ANK2: variants seen among roughly 807,000 people sequenced by gnomAD.
ANK2 encodes ankyrin 2.
Under a neutral mutation model 360.5 loss-of-function variants are expected in ANK2, and 83 were observed. The ratio of observed to expected loss-of-function variants is 0.23; its 90% CI spans 0.19 to 0.28. The LOEUF is 0.28. Ranked by LOEUF, ANK2 falls within the 10% of genes least tolerant of loss-of-function variation. ANK2 has a pLI of 1.00. For missense variants in ANK2, 4,201 were observed against 4,795.7 expected (o/e 0.88, Z 3.66); for synonymous variants, 1,740 against 1,759.5 (o/e 0.99, Z 0.28).
At chr4:113,219,617 A>G (rs902854814) in intron 4 of ANK2, among the ~76,000 whole-genome samples, 12 of 152,160 alleles carry the variant, frequency 7.9e-5, no homozygotes, top group African/African-American at 2.9e-4. Context: ...TTACTTTCTT[A>G]CTGAAAATGA....
At chr4:113,376,999 G>C (rs1031465589) in intron 45 of ANK2, among the ~76,000 whole-genome samples, 1 of 151,798 alleles carries the variant, frequency 6.6e-6, no homozygotes, top group Non-Finnish European at 1.5e-5. Flanking sequence ...ACCTCCTGAA[G>C]GACCTGCCTG....
intron 13 of ANK2, among the ~76,000 whole-genome samples, chr4:113,258,700 A>G (rs2050880509): frequency 1.3e-5 from 2 of 152,224 alleles, no homozygotes; most frequent in Non-Finnish European, 2.9e-5. Context: ...ATTAAAACAA[A>G]ATACATTTTA....
intron 1 of ANK2, among the ~76,000 whole-genome samples, chr4:113,159,624 G>A (rs977423108): frequency 5.4e-5 from 8 of 147,294 alleles, no homozygotes; most frequent in Admixed American, 5.4e-4. Flanking sequence ...TTTTCTTTTT[G>A]TTGAGATGGA....
At chr4:113,025,387 A>AT (rs1319732084) in intron 2 of ANK2, among the ~76,000 whole-genome samples, 1 of 152,170 alleles carries the variant, frequency 6.6e-6, no homozygotes. Context: ...CCCATATTCC[A>AT]TTTCTTTTCT....
intron 4 of ANK2, among the ~76,000 whole-genome samples, chr4:113,207,686 CAAAAAAAA>C (rs34818513): frequency 9.8e-6 from 1 of 101,630 alleles, no homozygotes. Flanking sequence ...GATCACAAAG[CAAAAAAAA>C]AAAAAAAAAA....
the ANK2 span, among the ~76,000 whole-genome samples, chr4:112,801,368 C>T: frequency 2.0e-5 from 3 of 152,186 alleles, no homozygotes; most frequent in African/African-American, 4.8e-5. Flanking sequence ...ACTCTTTGTA[C>T]TTACTTAACA....
the ANK2 span, among the ~76,000 whole-genome samples, chr4:112,759,858 A>T: frequency 2.0e-5 from 3 of 152,144 alleles, no homozygotes. Context: ...CCAAGTTCCA[A>T]CTGATTCCAT....
rs78027305 is a variant in ANK2, at chr4:113,296,512, C to G, written c.2475+2974C>G. On this transcript the variant is annotated intron_variant, in intron 22 of 45. Coordinates refer to ENST00000357077, the MANE Select transcript of ANK2 (RefSeq NM_001148.6). ...AAGAAAGTTTCCTTTCCTATTCTTT[C>G]TTTTGAGTTCTTTACCCCAAAGTAT... Among the ~76,000 whole-genome samples the G allele has an allele frequency of 6.6e-3, 1,005 of 152,224 alleles. 10 individuals carry two copies. Among genetic ancestry groups the G allele is most frequent in the African/African-American group, 0.023 (949 of 41,550 alleles).
chr4:113,185,468 T>C (rs2098502281), intron 2 of ANK2, among the ~76,000 whole-genome samples: 1 of 152,256 alleles, frequency 6.6e-6, no homozygotes, highest in Non-Finnish European at 1.5e-5. Context: ...TGACCAGTGA[T>C]AATAAGCTTT....
intron 1 of ANK2, among the ~76,000 whole-genome samples, chr4:113,148,373 A>AT: frequency 6.6e-6 from 1 of 152,304 alleles, no homozygotes; most frequent in Non-Finnish European, 1.5e-5. Context: ...TAATATAGAC[A>AT]TTTTTTAGGT....
chr4:112,741,638 G>C, the ANK2 span, among the ~76,000 whole-genome samples: 2 of 152,040 alleles, frequency 1.3e-5, no homozygotes, highest in Non-Finnish European at 2.9e-5. Context: ...TTTCCACTTG[G>C]ATTTCATTAT....
chr4:112,788,642 C>T, the ANK2 span: 3 of 1,601,280 alleles, frequency 1.9e-6, no homozygotes, highest in East Asian at 2.2e-5. Flanking sequence ...ACTGGTTAAT[C>T]GCAGGAGGCA....
rs140181987 is a variant in ANK2 at position 113,033,649 on chromosome 4, A to G, written c.21+129135A>G. Among the ~76,000 whole-genome samples the G allele has an allele frequency of 7.0e-3, 1,066 of 152,032 alleles. 13 individuals carry two copies. Among genetic ancestry groups the G allele is most frequent in the African/African-American group, 0.024 (1,013 of 41,500 alleles). ...AAGTATCAAACTGCAAATTGGTCAG[A>G]TGGAATTTGTCACTTTTATTACTGC... On this transcript the variant is annotated intron_variant, in intron 2 of 30. Transcript: ENST00000503271.
intron 1 of ANK2, among the ~76,000 whole-genome samples, chr4:113,163,858 C>G (rs1277957379): frequency 6.7e-6 from 1 of 150,134 alleles, no homozygotes; most frequent in Non-Finnish European, 1.5e-5. Flanking sequence ...GTATATTATC[C>G]AATGGTTTTT....
intron 13 of ANK2, among the ~76,000 whole-genome samples, chr4:113,262,029 GGGTACA>G (rs2053207680): frequency 6.6e-6 from 1 of 152,006 alleles, no homozygotes; most frequent in African/African-American, 2.4e-5. Flanking sequence ...CTCCAGCCTG[GGGTACA>G]GAGTGAAACT....
chr4:113,285,347 GGCT>G (rs1563426291), intron 18 of ANK2, among the ~76,000 whole-genome samples: 3 of 151,966 alleles, frequency 2.0e-5, no homozygotes, highest in Non-Finnish European at 4.4e-5. Flanking sequence ...TTCAGTTGAG[GGCT>G]CAGTCCCCAA....
chr4:112,962,182 A>G (rs1297608769), intron 2 of ANK2, among the ~76,000 whole-genome samples: 1 of 152,094 alleles, frequency 6.6e-6, no homozygotes, highest in Non-Finnish European at 1.5e-5. Context: ...TTAATTTTTC[A>G]ACCCATACTT....
chr4:113,344,164 A>G (rs1245000386), intron 34 of ANK2, among the ~76,000 whole-genome samples: 1 of 152,200 alleles, frequency 6.6e-6, no homozygotes, highest in Non-Finnish European at 1.5e-5. Flanking sequence ...CAGCTATATA[A>G]TTAAGCTAAT....
intron 1 of ANK2, among the ~76,000 whole-genome samples, chr4:113,067,956 A>G (rs552832706): frequency 2.4e-4 from 37 of 152,276 alleles, no homozygotes; most frequent in African/African-American, 6.7e-4. Flanking sequence ...CACAGTCACT[A>G]TGTTCCCGGA....
Sources: gnomAD v4.1 joint callset for allele counts (sites outside exome capture counted in the v4.1 genomes callset) on GRCh38, gnomAD v4.1.1 for gene constraint, MANE v1.5 for transcripts, NCBI Gene and HGNC (gene_info 2026-07-23, HGNC 2026-07-21) for gene names.